The following PPARGC1A variants were observed in gnomAD, a reference collection of about 807,000 sequenced individuals.
PPARGC1A encodes the protein PPARG coactivator 1 alpha.
PPARGC1A carries 25 observed loss-of-function variants against 88.7 expected under a neutral mutation model. The ratio of observed to expected loss-of-function variants is 0.28; its 90% confidence interval spans 0.21 to 0.39. PPARGC1A has a LOEUF of 0.39. Ranked by LOEUF, PPARGC1A falls within the 10% of genes least tolerant of loss-of-function variation. The pLI, the probability that PPARGC1A is intolerant of heterozygous loss-of-function variation, is 1.00. For synonymous variants in PPARGC1A, 363 were observed against 355.6 expected (o/e 1.02, Z -0.24); for missense variants, 880 against 968.7 (o/e 0.91, Z 1.22).
the PPARGC1A span, among the ~76,000 whole-genome samples, chr4:24,010,436 C>T: frequency 3.0e-4 from 46 of 152,186 alleles, no homozygotes; most frequent in South Asian, 1.5e-3. Context: ...ACTCGCTCCC[C>T]GGAGTCATCC....
At chr4:23,993,055 C>T in the PPARGC1A span, among the ~76,000 whole-genome samples, 2 of 152,126 alleles carry the variant, frequency 1.3e-5, no homozygotes, top group East Asian at 3.9e-4. Context: ...CTACTATGTC[C>T]TTCCTTAAAA....
the PPARGC1A span, among the ~76,000 whole-genome samples, chr4:23,952,751 A>G: frequency 6.6e-6 from 1 of 151,966 alleles, no homozygotes; most frequent in Non-Finnish European, 1.5e-5. Context: ...AAACTTAAAA[A>G]CTTTATTAGT....
the PPARGC1A span, among the ~76,000 whole-genome samples, chr4:24,129,338 A>G: frequency 3.3e-5 from 5 of 152,188 alleles, no homozygotes; most frequent in Non-Finnish European, 7.3e-5. Flanking sequence ...GTAGAGATCT[A>G]CAGATGGTAC....
At chr4:23,904,910 C>G (rs149352559), upstream of PPARGC1A, among the ~76,000 whole-genome samples, 230 of 152,334 alleles carry the variant, frequency 1.5e-3, 1 homozygote, top group African/African-American at 5.3e-3. Flanking sequence ...GCCGCTGGCT[C>G]TTAAAGCATT....
chr4:24,200,469 C>T, the PPARGC1A span, among the ~76,000 whole-genome samples: 2 of 151,698 alleles, frequency 1.3e-5, no homozygotes, highest in South Asian at 4.2e-4. Flanking sequence ...TGAGATCGCA[C>T]CACTGTACTC....
At chr4:24,345,687 C>T in the PPARGC1A span, among the ~76,000 whole-genome samples, 6 of 152,062 alleles carry the variant, frequency 3.9e-5, no homozygotes, top group African/African-American at 1.4e-4. Flanking sequence ...CTAGAGGAGT[C>T]CTTAGGGTTT....
At chr4:24,054,538 T>G in the PPARGC1A span, among the ~76,000 whole-genome samples, 3 of 152,248 alleles carry the variant, frequency 2.0e-5, no homozygotes, top group African/African-American at 7.2e-5. Flanking sequence ...TGGAATAAGT[T>G]ACATTGTAGT....
the PPARGC1A span, among the ~76,000 whole-genome samples, chr4:24,315,535 C>T: frequency 6.6e-6 from 1 of 152,202 alleles, no homozygotes; most frequent in African/African-American, 2.4e-5. Context: ...GTCCACAAAC[C>T]AAGTCTTCCC....
At chr4:23,893,910 CA>C (rs1233746821), upstream of PPARGC1A, among the ~76,000 whole-genome samples, 1 of 152,094 alleles carries the variant, frequency 6.6e-6, no homozygotes, top group African/African-American at 2.4e-5. Flanking sequence ...TTAAGATCAG[CA>C]CTTCATATAC....
the PPARGC1A span, among the ~76,000 whole-genome samples, chr4:24,453,965 T>C: frequency 6.6e-6 from 1 of 151,950 alleles, no homozygotes; most frequent in African/African-American, 2.4e-5. Flanking sequence ...TAGAACAAAA[T>C]AGAAGTGATG....
At chr4:23,946,148 C>A in the PPARGC1A span, among the ~76,000 whole-genome samples, 226 of 152,278 alleles carry the variant, frequency 1.5e-3, no homozygotes, top group African/African-American at 5.1e-3. Flanking sequence ...CAACACATCA[C>A]AGGGTATATA....
the PPARGC1A span, among the ~76,000 whole-genome samples, chr4:24,198,358 A>G: frequency 2.6e-5 from 4 of 152,176 alleles, no homozygotes; most frequent in Non-Finnish European, 5.9e-5. Flanking sequence ...TTCAGAATGA[A>G]TTGTAAACTC....
At chr4:24,396,318 C>T in the PPARGC1A span, among the ~76,000 whole-genome samples, 1 of 152,314 alleles carries the variant, frequency 6.6e-6, no homozygotes, top group East Asian at 1.9e-4. Flanking sequence ...CTTACACATG[C>T]TCATTCTAGA....
chr4:24,077,630 T>TGTGG, the PPARGC1A span, among the ~76,000 whole-genome samples: 7 of 121,590 alleles, frequency 5.8e-5, no homozygotes, highest in Non-Finnish European at 8.5e-5. Flanking sequence ...TAGGGGTGTG[T>TGTGG]GTGTGTGTGT....
the PPARGC1A span, among the ~76,000 whole-genome samples, chr4:24,041,411 G>A: frequency 2.6e-5 from 4 of 152,090 alleles, no homozygotes; most frequent in Non-Finnish European, 1.5e-5. Context: ...AGCTCCCTCC[G>A]TGGCATCTTC....
chr4:24,315,977 C>T, the PPARGC1A span, among the ~76,000 whole-genome samples: 1 of 152,164 alleles, frequency 6.6e-6, no homozygotes, highest in Non-Finnish European at 1.5e-5. Flanking sequence ...GCTTGAAGAG[C>T]CACAGTCCAA....
At chr4:23,937,090 A>G in the PPARGC1A span, among the ~76,000 whole-genome samples, 6 of 151,822 alleles carry the variant, frequency 4.0e-5, no homozygotes, top group East Asian at 1.2e-3. Context: ...CAAACCACTA[A>G]TTTCATGGTC....
At chr4:24,252,463 C>T in the PPARGC1A span, among the ~76,000 whole-genome samples, 2 of 152,244 alleles carry the variant, frequency 1.3e-5, no homozygotes, top group African/African-American at 4.8e-5. Context: ...GCTTTCACTT[C>T]TCACTGCCAA....
At chr4:23,888,868 C>T (rs1196634525) in intron 1 of PPARGC1A, 2 of 922,124 alleles carry the variant, frequency 2.2e-6, no homozygotes, top group South Asian at 1.0e-4. Context: ...AGAGGAAACA[C>T]TCGCAGTCTT....
Sources: allele counts gnomAD v4.1 joint callset (sites outside exome capture counted in the v4.1 genomes callset), GRCh38; gene constraint gnomAD v4.1.1; transcripts MANE v1.5; gene names NCBI Gene and HGNC (gene_info 2026-07-23, HGNC 2026-07-21).